The following CEP135 variants were observed in gnomAD, a reference collection of about 807,000 sequenced individuals.
CEP135 encodes centrosomal protein 135.
CEP135 carries 142 observed loss-of-function variants against 157.3 expected under a neutral mutation model. The ratio of observed to expected loss-of-function variants is 0.90; its 90% CI spans 0.79 to 1.04. CEP135 has a LOEUF of 1.04. CEP135 is among the 50% of genes least tolerant of loss of function. CEP135 has a pLI of 0.00. For missense variants in CEP135, 1,317 were observed against 1,309.2 expected, an observed-to-expected ratio of 1.01 and a Z score of -0.09; for synonymous variants, 396 against 439.8, an observed-to-expected ratio of 0.90 and a Z score of 1.25.
intron 21 of CEP135, 82 bp downstream of exon 21, chr4:56,012,067 ATTTT>A: frequency 2.2e-6 from 2 of 927,104 alleles, no homozygotes; most frequent in Non-Finnish European, 2.9e-6. Context: ...TTATTTATTT[ATTTT>A]TTTTGAGATG....
chr4:55,961,752 G>A (rs1368802614), intron 6 of CEP135, among the ~76,000 whole-genome samples: 6 of 91,610 alleles, frequency 6.5e-5, no homozygotes, highest in Non-Finnish European at 1.0e-4. Context: ...CAACAAGAGC[G>A]AAAACTCTGT....
Position 55,954,261 on chromosome 4 carries a change from T to G in CEP135, c.350T>G (p.Leu117Arg). 1.2e-6 allele frequency: 2 copies of G among 1,605,932 alleles called. No homozygotes were observed. The highest frequency in any genetic ancestry group is 1.7e-6 in the Non-Finnish European group (2 of 1,176,632). ...LKKCARETADLKFLNNQYAHK... is the reference protein window; with the variant it reads ...LKKCARETADRKFLNNQYAHK... ...AAATGTGCACGTGAAACAGCTGATC[T>G]GAAATTTCTGAATAACCAATATGCT... The change falls in exon 4 of 26, where the codon CTG (leucine) becomes CGG (arginine). Residue 117 changes from leucine (L) to arginine (R), a missense_variant. Physicochemically the swap from Leu to Arg is moderately radical, Grantham distance 102 (BLOSUM62 -2). Transcript: ENST00000257287.
rs566287390 is a variant in CEP135, at chr4:55,976,980, T to G, written c.1473+2011T>G. Among the ~76,000 whole-genome samples, 26 of 152,096 alleles carry G rather than the reference T, an allele frequency of 1.7e-4. 1 individual carries two copies. Among genetic ancestry groups the G allele is most frequent in the Middle Eastern group, 6.8e-3 (2 of 294 alleles). ...ATGTGCTACCATGCCTGGCTTTTTT[T>G]TTTTTTGTTTTTTGTATTTTTTGTA... On this transcript the variant is annotated intron_variant, in intron 11 of 25. Coordinates refer to ENST00000257287, the MANE Select transcript of CEP135 (RefSeq NM_025009.5).
At chr4:55,981,514 A>T (rs1346554875) in intron 13 of CEP135, 135 bp downstream of exon 13, 3 of 605,968 alleles carry the variant, frequency 5.0e-6, no homozygotes, top group Admixed American at 3.1e-5. Flanking sequence ...CTAAGAATGG[A>T]TTAAGAAGAA....
intron 13 of CEP135, 25 bp from the exon 14 acceptor site, chr4:55,985,256 C>A: frequency 1.5e-6 from 2 of 1,347,608 alleles, no homozygotes; most frequent in Non-Finnish European, 2.1e-6. Flanking sequence ...TACAAATGAA[C>A]ATTTTCTTTA....
rs1235558692 is a variant in CEP135 at position 55,972,471 on chromosome 4, C to A, written c.1249+1063C>A. ...AGTTTTCTACGCAGAGGAAATGGCA[C>A]GTGCAGAAACTTGGTACCATCAAAC... On this transcript the variant is annotated intron_variant, in intron 10 of 25. Coordinates refer to ENST00000257287, the MANE Select transcript of CEP135 (RefSeq NM_025009.5). Among the ~76,000 whole-genome samples, 6 of 152,124 alleles carry A rather than the reference C, an allele frequency of 3.9e-5. 1 individual carries two copies. Among genetic ancestry groups the A allele is most frequent in the Admixed American group, 2.0e-4 (3 of 15,276 alleles).
chr4:55,996,990 C>T (rs1473826897), intron 15 of CEP135, among the ~76,000 whole-genome samples: 1 of 152,152 alleles, frequency 6.6e-6, no homozygotes, highest in Non-Finnish European at 1.5e-5. Context: ...AGTGGAGAGC[C>T]AGAACTTAAG....
intron 14 of CEP135, among the ~76,000 whole-genome samples, chr4:55,989,320 C>G (rs1387550035): frequency 6.6e-6 from 1 of 152,112 alleles, no homozygotes; most frequent in South Asian, 2.1e-4. Context: ...AGATACTTTT[C>G]TCAACATTTT....
chr4:56,027,498 C>T (rs1731195872), intron 25 of CEP135, among the ~76,000 whole-genome samples: 1 of 152,084 alleles, frequency 6.6e-6, no homozygotes, highest in Non-Finnish European at 1.5e-5. Context: ...CAACTGTAGA[C>T]CTGTAAGAAA....
Position 55,998,306 on chromosome 4 carries a change from A to C in CEP135, c.2010-996A>C, listed in dbSNP as rs190825874. 3.2e-3 allele frequency among the ~76,000 whole-genome samples: 492 copies of C among 152,290 alleles called. 9 individuals carry two copies. Among genetic ancestry groups the C allele is most frequent in the Non-Finnish European group, 3.5e-4 (24 of 68,016 alleles). On this transcript the variant is annotated intron_variant, in intron 15 of 25. Transcript: ENST00000257287. ...TGTGAAGTCTCAGGTCAGGGCTAAA[A>C]GTGTTCTGAAGACTCTGCATGACAT... is the stretch of plus-strand genomic sequence containing the variant.
Position 55,974,856 on chromosome 4 carries a change from C to T in CEP135, c.1360C>T (p.Arg454Ter), listed in dbSNP as rs76055256. 1.4e-5 allele frequency: 23 copies of T among 1,613,526 alleles called. No homozygotes were observed. In the East Asian group the frequency reaches 1.6e-4, roughly 11 times the overall value. Reference sequence around the variant, plus strand: ...ATTTCTGAAAGGTATAGAAGAAGAACGAGATTATTATAAGAAAGAGCTAGA... The same window carrying T: ...ATTTCTGAAAGGTATAGAAGAAGAATGAGATTATTATAAGAAAGAGCTAGA... ...DTFLKGIEEE[R>*]DYYKKELERL... is the part of the protein sequence containing the mutation. Residue 454 changes from arginine to a stop codon, truncating the protein, a stop_gained, in exon 11 of 26, where the codon CGA (arginine) becomes TGA (stop). Coordinates refer to ENST00000257287, the MANE Select transcript of CEP135 (RefSeq NM_025009.5). LOFTEE classifies it high-confidence loss of function.
intron 14 of CEP135, among the ~76,000 whole-genome samples, chr4:55,986,178 G>A (rs1163387448): frequency 6.6e-6 from 1 of 152,108 alleles, no homozygotes; most frequent in Non-Finnish European, 1.5e-5. Flanking sequence ...ACTTAGAAGC[G>A]TGCCTGGCAT....
At chr4:55,992,173 C>T (rs893281187) in intron 15 of CEP135, 88 bp downstream of exon 15, 1 of 1,293,350 alleles carries the variant, frequency 7.7e-7, no homozygotes, top group Admixed American at 2.7e-5. Context: ...TTGGACTGGG[C>T]CTTTGTGCAG....
At chr4:55,967,560 T>TTTA in intron 8 of CEP135, among the ~76,000 whole-genome samples, 1 of 152,208 alleles carries the variant, frequency 6.6e-6, no homozygotes, top group African/African-American at 2.4e-5. Context: ...AATTATTAGG[T>TTTA]AGATCATTTT....
intron 8 of CEP135, among the ~76,000 whole-genome samples, chr4:55,967,277 G>T (rs1163568503): frequency 1.3e-5 from 2 of 151,996 alleles, no homozygotes; most frequent in Non-Finnish European, 2.9e-5. Flanking sequence ...CACAAATGTT[G>T]ATATTTATGA....
intron 23 of CEP135, 58 bp downstream of exon 23, chr4:56,019,613 AT>A: frequency 7.7e-6 from 11 of 1,428,018 alleles, no homozygotes; most frequent in South Asian, 1.3e-5. Flanking sequence ...TAGTTTTTTA[AT>A]TTTTTTGAAG....
At chr4:55,954,437 T>C (rs1728449861) in intron 4 of CEP135, 54 bp downstream of exon 4, 1 of 1,451,106 alleles carries the variant, frequency 6.9e-7, no homozygotes, top group Non-Finnish European at 9.2e-7. Flanking sequence ...TTTAACGATA[T>C]TAACACCATT....
At chr4:55,950,689 T>C (rs982344073) in intron 1 of CEP135, among the ~76,000 whole-genome samples, 3 of 150,968 alleles carry the variant, frequency 2.0e-5, no homozygotes. Context: ...TAGGGCAGAT[T>C]GATAGGAATA....
At position 55,974,853 on chromosome 4, in the gene CEP135, G is replaced by C; in HGVS notation, c.1357G>C (p.Glu453Gln). The change falls in exon 11 of 26, where the codon GAA becomes CAA. Residue 453 changes from glutamate to glutamine, a missense_variant. Transcript: ENST00000257287. ...LDTFLKGIEE[E>Q]RDYYKKELER... ...TACATTTCTGAAAGGTATAGAAGAA[G>C]AACGAGATTATTATAAGAAAGAGCT... The C allele has an allele frequency of 6.2e-7, 1 of 1,613,790 alleles. No individual in the cohort carries two copies. Among genetic ancestry groups the C allele is most frequent in the Non-Finnish European group, 8.5e-7 (1 of 1,179,844 alleles).
Sources: gnomAD v4.1 joint callset for allele counts (sites outside exome capture counted in the v4.1 genomes callset) on GRCh38, gnomAD v4.1.1 for gene constraint, MANE v1.5 for transcripts, NCBI Gene and HGNC (gene_info 2026-07-23, HGNC 2026-07-21) for gene names.